Variants in GRIN2A observed in about 807,000 individuals in gnomAD.
GRIN2A encodes the protein glutamate ionotropic receptor NMDA type subunit 2A.
In GRIN2A, 22 loss-of-function variants were observed where a neutral mutation model predicts 113.4. The observed-to-expected ratio is 0.19, with a 90% confidence interval of 0.14 to 0.28. The LOEUF is 0.28. GRIN2A is among the 10% of genes least tolerant of loss of function. GRIN2A has a pLI of 1.00. For synonymous variants in GRIN2A, 827 were observed against 738.4 expected, an observed-to-expected ratio of 1.12 and a Z score of -1.94; for missense variants, 1,502 against 1,887.0, an observed-to-expected ratio of 0.80 and a Z score of 3.78.
intron 3 of GRIN2A, among the ~76,000 whole-genome samples, chr16:9,927,919 T>C (rs2044500530): frequency 1.3e-5 from 2 of 152,214 alleles, no homozygotes; most frequent in Non-Finnish European, 2.9e-5. Flanking sequence ...GATTTACTCT[T>C]TGTGTTTGGC....
chr16:9,984,709 A>G (rs933678745), intron 2 of GRIN2A, among the ~76,000 whole-genome samples: 2 of 152,114 alleles, frequency 1.3e-5, no homozygotes, highest in Admixed American at 6.6e-5. Flanking sequence ...TCTTGTCTTT[A>G]CTTTCTCACA....
intron 2 of GRIN2A, among the ~76,000 whole-genome samples, chr16:9,996,397 A>G (rs1281619072): frequency 6.6e-6 from 1 of 152,212 alleles, no homozygotes; most frequent in Non-Finnish European, 1.5e-5. Flanking sequence ...CTATTCTTTC[A>G]GACTCAGGCA....
intron 3 of GRIN2A, among the ~76,000 whole-genome samples, chr16:9,936,913 C>T (rs2044725611): frequency 6.6e-6 from 1 of 152,168 alleles, no homozygotes; most frequent in South Asian, 2.1e-4. Context: ...GGTGTTGTTA[C>T]TTTGCAGGAC....
At chr16:9,855,677 G>C (rs973082571) in intron 4 of GRIN2A, among the ~76,000 whole-genome samples, 4 of 152,186 alleles carry the variant, frequency 2.6e-5, no homozygotes, top group African/African-American at 7.2e-5. Context: ...ATAATTAGAA[G>C]AGGGGCAAAG....
At chr16:9,958,322 G>A (rs1361419190) in intron 2 of GRIN2A, among the ~76,000 whole-genome samples, 1 of 152,028 alleles carries the variant, frequency 6.6e-6, no homozygotes, top group African/African-American at 2.4e-5. Flanking sequence ...GCTCCCTCTT[G>A]CTGATGTGGG....
intron 3 of GRIN2A, among the ~76,000 whole-genome samples, chr16:9,915,694 G>T (rs527959530): frequency 1.3e-5 from 2 of 152,154 alleles, no homozygotes; most frequent in Admixed American, 6.5e-5. Flanking sequence ...TTTAGGTGGT[G>T]GTGACAAGCA....
Position 9,768,931 on chromosome 16 carries a change from G to A in GRIN2A, c.2515C>T (p.His839Tyr), listed in dbSNP as rs773625892. ...AAGCGCAGCTTCCAGTAGAAGAGGT[G>A]CTCCCAGATGAAGGTGATGAGGCTA... ...ALSLITFIWE[H>Y]LFYWKLRFCF... The change falls in exon 12 of 13, where the codon CAC becomes TAC. Residue 839 changes from histidine (H) to tyrosine (Y), a missense_variant. His to Tyr is a moderately conservative substitution (Grantham distance 83). Transcript: ENST00000330684. 3.1e-6 allele frequency: 5 copies of A among 1,614,204 alleles called. No homozygotes were observed. The East Asian group carries it at 8.9e-5, about 29-fold the overall frequency.
chr16:10,178,649 G>C (rs1346118666), intron 2 of GRIN2A, among the ~76,000 whole-genome samples: 2 of 152,236 alleles, frequency 1.3e-5, no homozygotes, highest in African/African-American at 4.8e-5. Context: ...TAAAATGAAT[G>C]TTTAATAAGA....
At position 10,022,510 on chromosome 16, in the gene GRIN2A, C is replaced by T. The variant is rs549255178; in HGVS notation, c.415-83959G>A. On this transcript the variant is annotated intron_variant, in intron 2 of 12. Coordinates refer to ENST00000330684, the MANE Select transcript of GRIN2A (RefSeq NM_001134407.3). Reference sequence around the variant, plus strand: ...CCAGCACTGATGCTAGTTTCATTTTCCTCTACATCCCTACAACATTTCATA... The same window carrying T: ...CCAGCACTGATGCTAGTTTCATTTTTCTCTACATCCCTACAACATTTCATA... 3.9e-5 allele frequency among the ~76,000 whole-genome samples: 6 copies of T among 152,302 alleles called. No homozygotes were observed. In the South Asian group the frequency reaches 1.2e-3, roughly 32 times the overall value.
chr16:10,009,480 A>G (rs574933097), intron 2 of GRIN2A, among the ~76,000 whole-genome samples: 2 of 152,086 alleles, frequency 1.3e-5, no homozygotes, highest in African/African-American at 2.4e-5. Context: ...TCGAAACCAT[A>G]AGTGCCCTTT....
intron 2 of GRIN2A, among the ~76,000 whole-genome samples, chr16:10,051,026 G>T (rs184342178): frequency 6.6e-6 from 1 of 152,278 alleles, no homozygotes; most frequent in Non-Finnish European, 1.5e-5. Flanking sequence ...GCTAAGACTC[G>T]AGAGCATGTC....
chr16:9,819,386 T>C (rs1275478793), intron 10 of GRIN2A, among the ~76,000 whole-genome samples: 1 of 151,798 alleles, frequency 6.6e-6, no homozygotes, highest in Non-Finnish European at 1.5e-5. Context: ...CCAGGTGTGG[T>C]GGTGCTTGCC....
intron 10 of GRIN2A, among the ~76,000 whole-genome samples, chr16:9,811,908 C>T (rs2042093535): frequency 6.6e-6 from 1 of 152,152 alleles, no homozygotes; most frequent in Admixed American, 6.5e-5. Context: ...AAATTCATTT[C>T]CTCCACGCTC....
At chr16:10,134,891 A>G (rs1244267921) in intron 2 of GRIN2A, among the ~76,000 whole-genome samples, 1 of 152,054 alleles carries the variant, frequency 6.6e-6, no homozygotes, top group Non-Finnish European at 1.5e-5. Flanking sequence ...TTCAAAGAGC[A>G]CTCTGTGTGG....
At chr16:9,987,137 T>G (rs999543195) in intron 2 of GRIN2A, among the ~76,000 whole-genome samples, 28 of 152,316 alleles carry the variant, frequency 1.8e-4, no homozygotes, top group Non-Finnish European at 7.3e-5. Context: ...TACTTACTGG[T>G]ATGGCTGTTT....
At chr16:10,033,225 G>C (rs2046962778) in intron 2 of GRIN2A, among the ~76,000 whole-genome samples, 1 of 152,212 alleles carries the variant, frequency 6.6e-6, no homozygotes, top group Non-Finnish European at 1.5e-5. Flanking sequence ...AGGTTACAGA[G>C]TGAGGCTTTG....
intron 8 of GRIN2A, among the ~76,000 whole-genome samples, chr16:9,831,391 C>T (rs2141317747): frequency 1.3e-5 from 2 of 152,174 alleles, no homozygotes; most frequent in Admixed American, 1.3e-4. Flanking sequence ...CTTAACTGCC[C>T]TCCCCGTCCC....
intron 2 of GRIN2A, among the ~76,000 whole-genome samples, chr16:10,137,451 A>G (rs1238724039): frequency 6.6e-6 from 1 of 152,170 alleles, no homozygotes; most frequent in Admixed American, 6.5e-5. Flanking sequence ...GAGGTCTGCA[A>G]TGACCTAATG....
At chr16:9,859,407 C>T (rs1389835085) in intron 4 of GRIN2A, among the ~76,000 whole-genome samples, 1 of 152,060 alleles carries the variant, frequency 6.6e-6, no homozygotes, top group Non-Finnish European at 1.5e-5. Context: ...ATTATAAGAA[C>T]TCAAGCAATA....
Sources: gnomAD v4.1 joint callset for allele counts (sites outside exome capture counted in the v4.1 genomes callset) on GRCh38, gnomAD v4.1.1 for gene constraint, MANE v1.5 for transcripts, NCBI Gene and HGNC (gene_info 2026-07-23, HGNC 2026-07-21) for gene names.